Variants in DYNC2LI1 observed in about 807,000 individuals in gnomAD.
DYNC2LI1 encodes cytoplasmic dynein 2 light intermediate chain 1.
A neutral mutation model predicts 51.9 loss-of-function variants in DYNC2LI1; 45 were observed. The observed-to-expected ratio is 0.87, with a 90% CI of 0.68 to 1.11. The LOEUF is 1.11. Among genes scored for constraint, DYNC2LI1 ranks in the 50% most tolerant of loss-of-function variants. DYNC2LI1 has a pLI of 0.00. For synonymous variants in DYNC2LI1, 130 were observed against 137.8 expected, an observed-to-expected ratio of 0.94 and a Z score of 0.40; for missense variants, 490 against 417.4, an observed-to-expected ratio of 1.17 and a Z score of -1.51.
intron 5 of DYNC2LI1, chr2:43,792,575 C>A: frequency 8.3e-7 from 1 of 1,202,596 alleles, no homozygotes; most frequent in Non-Finnish European, 1.1e-6. Context: ...TCAGTAACAT[C>A]AAGTATATTC....
the DYNC2LI1 span, chr2:43,819,834 A>T: frequency 6.9e-7 from 1 of 1,454,394 alleles, no homozygotes; most frequent in Admixed American, 1.7e-5. Flanking sequence ...GTTCTCTGGT[A>T]TTCCTTTACT....
At chr2:43,824,890 A>G in the DYNC2LI1 span, 7 of 1,613,900 alleles carry the variant, frequency 4.3e-6, no homozygotes, top group African/African-American at 5.3e-5. Context: ...AAAACTTACT[A>G]TAGAAGTCAA....
intron 2 of DYNC2LI1, among the ~76,000 whole-genome samples, chr2:43,779,086 T>A (rs1673158206): frequency 6.6e-6 from 1 of 151,720 alleles, no homozygotes; most frequent in Non-Finnish European, 1.5e-5. Flanking sequence ...CAAAACCCAG[T>A]CTCCCCCCAA....
At chr2:43,813,565 C>T (rs1666601130), downstream of DYNC2LI1, among the ~76,000 whole-genome samples, 2 of 151,884 alleles carry the variant, frequency 1.3e-5, no homozygotes, top group Admixed American at 6.6e-5. Flanking sequence ...TCCCTTAGCA[C>T]AGACTATCCT....
chr2:43,822,886 G>A, the DYNC2LI1 span: 3 of 1,614,124 alleles, frequency 1.9e-6, no homozygotes, highest in Non-Finnish European at 2.5e-6. Context: ...GCCACTTCTG[G>A]TAGAGGCCGT....
chr2:43,786,380 C>G (rs903169508), intron 3 of DYNC2LI1, among the ~76,000 whole-genome samples: 1 of 151,930 alleles, frequency 6.6e-6, no homozygotes, highest in Admixed American at 6.6e-5. Flanking sequence ...CAGGGTTTTG[C>G]CATGTTGCCC....
At chr2:43,816,636 C>G in the DYNC2LI1 span, among the ~76,000 whole-genome samples, 1 of 152,148 alleles carries the variant, frequency 6.6e-6, no homozygotes, top group Non-Finnish European at 1.5e-5. Context: ...CTCCGCCTCC[C>G]AGGTTCAGGT....
intron 10 of DYNC2LI1, among the ~76,000 whole-genome samples, chr2:43,804,196 G>A (rs1017844505): frequency 1.3e-5 from 2 of 152,144 alleles, no homozygotes; most frequent in Non-Finnish European, 2.9e-5. Flanking sequence ...GTTGGATAGT[G>A]TTACAGAGCA....
At chr2:43,794,254 ACT>A in intron 5 of DYNC2LI1, 1 of 511,008 alleles carries the variant, frequency 2.0e-6, no homozygotes, top group Non-Finnish European at 3.4e-6. Context: ...CTATTGTAAC[ACT>A]TAAATATTAC....
the DYNC2LI1 span, chr2:43,828,257 G>T: frequency 1.9e-6 from 2 of 1,067,598 alleles, no homozygotes; most frequent in African/African-American, 1.6e-5. Context: ...CCTGGGGAAA[G>T]CATGTCTTTG....
At chr2:43,788,968 C>T (rs1250802326) in intron 4 of DYNC2LI1, among the ~76,000 whole-genome samples, 1 of 152,172 alleles carries the variant, frequency 6.6e-6, no homozygotes, top group African/African-American at 2.4e-5. Flanking sequence ...TCTTGGCTGC[C>T]TAGCCCTGTC....
chr2:43,776,308 A>C (rs1025755850), intron 1 of DYNC2LI1, among the ~76,000 whole-genome samples: 5 of 152,182 alleles, frequency 3.3e-5, no homozygotes, highest in African/African-American at 1.2e-4. Context: ...ATATTAAACA[A>C]AATTTTTTTT....
At chr2:43,824,913 G>A in the DYNC2LI1 span, 2 of 1,614,096 alleles carry the variant, frequency 1.2e-6, no homozygotes, top group Non-Finnish European at 1.7e-6. Flanking sequence ...GGGTTTGAAT[G>A]TTCAGGACAA....
chr2:43,790,819 A>G (rs1385778324), intron 5 of DYNC2LI1, among the ~76,000 whole-genome samples: 1 of 152,100 alleles, frequency 6.6e-6, no homozygotes, highest in Non-Finnish European at 1.5e-5. Context: ...ATTTTTCAGG[A>G]ACATGGAATT....
At chr2:43,822,968 G>C in the DYNC2LI1 span, 10 of 1,612,322 alleles carry the variant, frequency 6.2e-6, no homozygotes, top group Non-Finnish European at 8.5e-6. Flanking sequence ...AGAACAGTCA[G>C]TCACCACCCA....
At position 43,787,204 on chromosome 2, in the gene DYNC2LI1, T is replaced by C. The variant is rs775460164; in HGVS notation, c.185T>C (p.Leu62Ser). Reference sequence around the variant, plus strand: ...AGAGATGAACCACCAAAACCAACCTTAGCTTTGGAATATACATATGGAAGA... The same window carrying C: ...AGAGATGAACCACCAAAACCAACCTCAGCTTTGGAATATACATATGGAAGA... ...LDRDEPPKPT[L>S]ALEYTYGRRA... Residue 62 changes from leucine to serine, a missense_variant, in exon 4 of 13, where the codon TTA (leucine) becomes TCA (serine). Coordinates refer to ENST00000260605, the MANE Select transcript of DYNC2LI1 (RefSeq NM_016008.4). 3.7e-6 allele frequency: 6 copies of C among 1,613,378 alleles called. No homozygotes were observed. In the Admixed American group the frequency reaches 1.0e-4, roughly 27 times the overall value.
At chr2:43,814,337 A>G (rs1455948775), downstream of DYNC2LI1, 2 of 645,026 alleles carry the variant, frequency 3.1e-6, no homozygotes, top group African/African-American at 1.8e-5. Context: ...AATCAGAGAA[A>G]ATGTTGGACT....
the DYNC2LI1 span, chr2:43,823,049 G>C: frequency 1.4e-6 from 2 of 1,453,750 alleles, no homozygotes; most frequent in Non-Finnish European, 1.9e-6. Flanking sequence ...GACCAGCTAG[G>C]GGGGTTCCCT....
chr2:43,800,955 A>G (rs778854738), intron 9 of DYNC2LI1, 38 bp downstream of exon 9: 1 of 1,391,742 alleles, frequency 7.2e-7, no homozygotes, highest in Non-Finnish European at 1.0e-6. Context: ...TTATTGAGTG[A>G]TTGATTTAGC....
Sources: allele counts gnomAD v4.1 joint callset (sites outside exome capture counted in the v4.1 genomes callset), GRCh38; gene constraint gnomAD v4.1.1; transcripts MANE v1.5; gene names NCBI Gene and HGNC (gene_info 2026-07-23, HGNC 2026-07-21).